The following SRGAP3 variants were observed in gnomAD, a reference collection of about 807,000 sequenced individuals.
SRGAP3 encodes SLIT-ROBO Rho GTPase activating protein 3.
SRGAP3 carries 39 observed loss-of-function variants against 121.1 expected under a neutral mutation model. That is an observed-to-expected ratio of 0.32 (90% CI 0.25 to 0.42). SRGAP3 has a LOEUF of 0.42. Among genes scored for constraint, SRGAP3 ranks in the 10% least tolerant of loss-of-function variants. The pLI is 1.00. For synonymous variants in SRGAP3, 601 were observed against 570.0 expected (o/e 1.05, Z -0.77); for missense variants, 1,213 against 1,470.6 (o/e 0.82, Z 2.86).
chr3:9,032,682 G>C lies in SRGAP3; in HGVS notation c.1507C>G (p.Leu503Val), dbSNP rs1293824446. Reference sequence around the variant, plus strand: ...AATGCTTCCATACTGCCGTTAAAGAGTTTATGGCTATACACTGAGAGAGGC... The same window carrying C: ...AATGCTTCCATACTGCCGTTAAAGACTTTATGGCTATACACTGAGAGAGGC... The part of the protein sequence containing the change: ...PRPLSVYSHK[L>V]FNGSMEAFIK... Residue 503 changes from leucine to valine, a missense_variant, in exon 12 of 22, where the codon CTC becomes GTC. Leu to Val is a conservative substitution (Grantham distance 32). Around this residue, in one of 2 missense-constraint regions of SRGAP3, gnomAD observed 793 missense variants for 1,032.9 expected, o/e 0.77. Coordinates refer to ENST00000383836, the MANE Select transcript of SRGAP3 (RefSeq NM_014850.4). The C allele has an allele frequency of 2.5e-6, 4 of 1,613,416 alleles. No individual in the cohort carries two copies. Among genetic ancestry groups the C allele is most frequent in the Non-Finnish European group, 3.4e-6 (4 of 1,179,832 alleles).
intron 6 of SRGAP3, 53 bp from the exon 7 acceptor site, chr3:9,058,525 G>A: frequency 6.5e-7 from 1 of 1,539,104 alleles, no homozygotes; most frequent in African/African-American, 1.4e-5. Flanking sequence ...GATGTGGAGG[G>A]GCGGTCACTG....
chr3:9,355,359 TTGTC>T (rs1198276675), intron 1 of SRGAP3, among the ~76,000 whole-genome samples: 1 of 152,254 alleles, frequency 6.6e-6, no homozygotes, highest in Non-Finnish European at 1.5e-5. Flanking sequence ...GCCAGAGTGA[TTGTC>T]TGTTTGTTCG....
At chr3:9,327,359 A>C (rs1486540344) in intron 2 of SRGAP3, among the ~76,000 whole-genome samples, 1 of 149,752 alleles carries the variant, frequency 6.7e-6, no homozygotes, top group East Asian at 1.9e-4. Context: ...ACCTTCCGTA[A>C]CTTGTTCAAA....
intron 1 of SRGAP3, among the ~76,000 whole-genome samples, chr3:9,196,429 G>A (rs1165066202): frequency 6.6e-6 from 1 of 152,226 alleles, no homozygotes; most frequent in African/African-American, 2.4e-5. Flanking sequence ...GCCACTGATG[G>A]ATGAAAGCTT....
intron 8 of SRGAP3, among the ~76,000 whole-genome samples, chr3:9,055,076 C>T (rs1027915626): frequency 6.6e-6 from 1 of 152,162 alleles, no homozygotes; most frequent in African/African-American, 2.4e-5. Context: ...AGATGTAGGG[C>T]ATAAATAAAT....
At chr3:9,213,229 G>A (rs149156168) in intron 1 of SRGAP3, among the ~76,000 whole-genome samples, 24 of 152,152 alleles carry the variant, frequency 1.6e-4, no homozygotes, top group African/African-American at 5.8e-4. Flanking sequence ...GAAAAGACTG[G>A]TCTGAAGTGG....
At chr3:9,247,092 G>A (rs1216764142) in intron 1 of SRGAP3, among the ~76,000 whole-genome samples, 3 of 152,068 alleles carry the variant, frequency 2.0e-5, no homozygotes, top group African/African-American at 7.3e-5. Flanking sequence ...AACCTGAACT[G>A]TCCAAAACTC....
intron 12 of SRGAP3, among the ~76,000 whole-genome samples, chr3:9,027,661 G>A (rs1028738064): frequency 2.0e-5 from 3 of 152,208 alleles, no homozygotes; most frequent in East Asian, 3.8e-4. Context: ...TCTCAACACA[G>A]GCACCTGGGA....
chr3:9,315,055 A>G (rs1352966694), intron 3 of SRGAP3, among the ~76,000 whole-genome samples: 1 of 152,180 alleles, frequency 6.6e-6, no homozygotes, highest in Non-Finnish European at 1.5e-5. Context: ...TCAAAAAACT[A>G]TACTGGTCAG....
At chr3:9,312,942 T>A in intron 3 of SRGAP3, among the ~76,000 whole-genome samples, 1 of 152,152 alleles carries the variant, frequency 6.6e-6, no homozygotes, top group East Asian at 1.9e-4. Context: ...CAGTGAGCTA[T>A]GTTTGTGCCA....
At chr3:9,300,608 T>G (rs1029413396) in intron 3 of SRGAP3, among the ~76,000 whole-genome samples, 1 of 152,194 alleles carries the variant, frequency 6.6e-6, no homozygotes, top group Non-Finnish European at 1.5e-5. Flanking sequence ...TACCAAGCTC[T>G]TAAGATGTGT....
chr3:9,331,826 G>A (rs753834180), intron 1 of SRGAP3, among the ~76,000 whole-genome samples: 3 of 152,020 alleles, frequency 2.0e-5, no homozygotes, highest in South Asian at 2.1e-4. Flanking sequence ...TATAACAAAC[G>A]AACCCAGCCT....
intron 1 of SRGAP3, among the ~76,000 whole-genome samples, chr3:9,143,211 T>C (rs920114745): frequency 6.6e-6 from 1 of 152,156 alleles, no homozygotes; most frequent in East Asian, 1.9e-4. Context: ...AACAGTCCCA[T>C]AGGAATCACC....
At chr3:9,187,132 G>A (rs1259707065) in intron 1 of SRGAP3, among the ~76,000 whole-genome samples, 3 of 137,926 alleles carry the variant, frequency 2.2e-5, no homozygotes, top group African/African-American at 8.1e-5. Flanking sequence ...CCCCCGACAG[G>A]CCCTGGTGTG....
chr3:9,259,088 G>A (rs1574950125), intron 3 of SRGAP3, among the ~76,000 whole-genome samples: 1 of 152,072 alleles, frequency 6.6e-6, no homozygotes, highest in Non-Finnish European at 1.5e-5. Context: ...TTATATTTCT[G>A]CAGTGCTCCC....
intron 11 of SRGAP3, chr3:9,034,091 A>C (rs1366727923): frequency 6.6e-6 from 1 of 152,254 alleles, no homozygotes; most frequent in Non-Finnish European, 1.5e-5. Flanking sequence ...AGAAACAGCC[A>C]CAAACACTGG....
chr3:9,004,339 A>G (rs1167248716), intron 18 of SRGAP3, among the ~76,000 whole-genome samples: 2 of 152,242 alleles, frequency 1.3e-5, no homozygotes, highest in Non-Finnish European at 2.9e-5. Flanking sequence ...TAAGAGGGTG[A>G]TATTTCCAAC....
chr3:9,215,456 T>C (rs1175269294), intron 1 of SRGAP3, among the ~76,000 whole-genome samples: 2 of 152,214 alleles, frequency 1.3e-5, no homozygotes. Flanking sequence ...CTGTGGTCCT[T>C]CTGTGACCCA....
chr3:9,142,948 C>T (rs1331118661), intron 1 of SRGAP3, among the ~76,000 whole-genome samples: 1 of 147,208 alleles, frequency 6.8e-6, no homozygotes. Context: ...AGTGATCCTC[C>T]CACTTCAGCC....
Sources: allele counts gnomAD v4.1 joint callset (sites outside exome capture counted in the v4.1 genomes callset), GRCh38; gene constraint gnomAD v4.1.1; regional missense constraint gnomAD v4.1.1; transcripts MANE v1.5; gene names NCBI Gene and HGNC (gene_info 2026-07-23, HGNC 2026-07-21).